The following ATP9A variants were observed in gnomAD, a reference collection of about 807,000 sequenced individuals.
ATP9A encodes ATPase phospholipid transporting 9A.
Under a neutral mutation model 144.1 loss-of-function variants are expected in ATP9A, and 52 were observed. The observed-to-expected ratio is 0.36, with a 90% CI of 0.29 to 0.45. The LOEUF is 0.45. Ranked by LOEUF, ATP9A falls within the 20% of genes least tolerant of loss-of-function variation. The pLI is 1.00. For missense variants in ATP9A, 947 were observed against 1,392.7 expected, an observed-to-expected ratio of 0.68 and a Z score of 5.09; for synonymous variants, 582 against 557.4, an observed-to-expected ratio of 1.04 and a Z score of -0.62.
At chr20:51,759,957 CG>C (rs2077872048) in intron 1 of ATP9A, among the ~76,000 whole-genome samples, 1 of 152,098 alleles carries the variant, frequency 6.6e-6, no homozygotes, top group African/African-American at 2.4e-5. Flanking sequence ...CTCCCTGCCC[CG>C]CCCCCAGACA....
intron 4 of ATP9A, among the ~76,000 whole-genome samples, chr20:51,702,319 C>A (rs1010150107): frequency 6.9e-6 from 1 of 145,842 alleles, no homozygotes; most frequent in Non-Finnish European, 1.5e-5. Context: ...AATTAAATAT[C>A]TATAGATACA....
intron 2 of ATP9A, among the ~76,000 whole-genome samples, chr20:51,728,074 T>A (rs766010694): frequency 6.6e-6 from 1 of 152,158 alleles, no homozygotes; most frequent in Non-Finnish European, 1.5e-5. Flanking sequence ...ACCACATGAC[T>A]AGTTTGGGCC....
At position 51,607,538 on chromosome 20, in the gene ATP9A, C is replaced by G; in HGVS notation, c.2792G>C (p.Ser931Thr). 6.2e-7 allele frequency: 1 copy of G among 1,612,600 alleles called. No homozygotes were observed. The highest frequency in any genetic ancestry group is 8.5e-7 in the Non-Finnish European group (1 of 1,178,834). The change falls in exon 26 of 28, where the codon AGC becomes ACC. Residue 931 changes from serine (S) to threonine (T), a missense_variant. Transcript: ENST00000338821. ...YKTFLIWVLI[S>T]IYQGSTIMYG... ...CCACTCATCCTTACCTTGATAGATG[C>G]TAATCAAAACCCATATTAAGAATGT...
intron 1 of ATP9A, chr20:51,732,606 T>C (rs979986387): frequency 6.8e-5 from 10 of 147,148 alleles, no homozygotes; most frequent in East Asian, 5.8e-4. Context: ...CATGGTGGAG[T>C]GTGGCTCTGC....
At position 51,605,136 on chromosome 20, in the gene ATP9A, T is replaced by A. The variant is rs144716923; in HGVS notation, c.2804-116A>T. 608 of 875,594 alleles carry A rather than the reference T, an allele frequency of 6.9e-4. 1 individual carries two copies. Among genetic ancestry groups the A allele is most frequent in the Middle Eastern group, 5.9e-3 (16 of 2,692 alleles). 54.2% of individuals were successfully genotyped at this position (875,594 alleles called of 1,614,324 possible). ...TTTAGACATGAAAGGCATCACTTGT[T>A]ACATGAGGTTAATGACTGGTGCTTT... On this transcript the variant is annotated intron_variant, in intron 26 of 27. Coordinates refer to ENST00000338821, the MANE Select transcript of ATP9A (RefSeq NM_006045.3).
intron 22 of ATP9A, among the ~76,000 whole-genome samples, chr20:51,616,734 A>C (rs1381770926): frequency 6.6e-6 from 1 of 152,204 alleles, no homozygotes; most frequent in East Asian, 1.9e-4. Flanking sequence ...GGCAAGGAGA[A>C]AAAGACAGAA....
chr20:51,608,756 G>A (rs762505166), intron 24 of ATP9A, 130 bp from the exon 25 acceptor site: 1 of 655,080 alleles, frequency 1.5e-6, no homozygotes, highest in African/African-American at 1.8e-5. Flanking sequence ...TATGCTCCGG[G>A]GCTGGCTGTA....
In ATP9A at chr20:51,601,187, G is replaced by C. The variant is rs937550136; in HGVS notation, c.*24C>G. Reference sequence around the variant, plus strand: ...TCCATCAGGGAAGCGCCAAGACCAGGGCCCCCTCCAGCGAACGCACGGCCT... The same window carrying C: ...TCCATCAGGGAAGCGCCAAGACCAGCGCCCCCTCCAGCGAACGCACGGCCT... On this transcript the variant is annotated 3_prime_UTR_variant, in exon 28 of 28. Transcript: ENST00000338821. 6.3e-7 allele frequency: 1 copy of C among 1,578,984 alleles called. No individual in the cohort carries two copies. Among genetic ancestry groups the C allele is most frequent in the Non-Finnish European group, 8.6e-7 (1 of 1,162,054 alleles).
At chr20:51,725,793 T>G (rs111339585) in intron 3 of ATP9A, 26 bp downstream of exon 3, 4 of 1,462,936 alleles carry the variant, frequency 2.7e-6, no homozygotes, top group Admixed American at 1.7e-5. Context: ...CTAAGGTTAC[T>G]GAACAAACAA....
intron 1 of ATP9A, among the ~76,000 whole-genome samples, chr20:51,741,892 C>T (rs2077786826): frequency 6.6e-6 from 1 of 152,222 alleles, no homozygotes; most frequent in African/African-American, 2.4e-5. Flanking sequence ...AGACACCTTA[C>T]AATGCACAGA....
chr20:51,664,036 G>C (rs1417737833), intron 13 of ATP9A, among the ~76,000 whole-genome samples: 2 of 152,006 alleles, frequency 1.3e-5, no homozygotes, highest in East Asian at 3.9e-4. Flanking sequence ...ATTATGGTTT[G>C]AGACTGTCTT....
intron 1 of ATP9A, among the ~76,000 whole-genome samples, chr20:51,760,869 A>T (rs1172464853): frequency 1.3e-5 from 2 of 152,068 alleles, no homozygotes; most frequent in South Asian, 4.1e-4. Flanking sequence ...CTAAAAATAC[A>T]AAAATTAGCT....
intron 1 of ATP9A, among the ~76,000 whole-genome samples, chr20:51,760,291 A>C (rs1302542760): frequency 6.6e-6 from 1 of 152,190 alleles, no homozygotes; most frequent in Non-Finnish European, 1.5e-5. Context: ...AAAAACAGAA[A>C]CACACCTAAA....
intron 1 of ATP9A, among the ~76,000 whole-genome samples, chr20:51,737,691 T>C (rs1162466600): frequency 6.6e-6 from 1 of 152,346 alleles, no homozygotes; most frequent in East Asian, 1.9e-4. Flanking sequence ...TAATTTCTTA[T>C]GAACATGTAT....
Position 51,600,766 on chromosome 20 carries a change from A to T in ATP9A, c.*445T>A, listed in dbSNP as rs190994320. 2.0e-5 allele frequency: 3 copies of T among 152,740 alleles called. No individual in the cohort carries two copies. In the East Asian group the frequency reaches 5.8e-4, roughly 29 times the overall value. The allele number at this position is 152,740 out of a possible 1,614,324, so 9.5% of individuals were successfully genotyped here. A position where few individuals can be genotyped will look rare whatever the true frequency, so the allele number is the denominator to read the frequency against. On this transcript the variant is annotated 3_prime_UTR_variant, in exon 28 of 28. Coordinates refer to ENST00000338821, the MANE Select transcript of ATP9A (RefSeq NM_006045.3). ...TTTCTGACACCTCTTTGTAAGAGCA[A>T]GAAAGACATAAAGAGTACATACACA...
chr20:51,701,543 T>C (rs1490568748), intron 4 of ATP9A, among the ~76,000 whole-genome samples: 1 of 152,158 alleles, frequency 6.6e-6, no homozygotes, highest in East Asian at 1.9e-4. Context: ...AAAAACCCCT[T>C]TAATCCTCTG....
intron 1 of ATP9A, among the ~76,000 whole-genome samples, chr20:51,765,165 T>C (rs1181937953): frequency 6.6e-6 from 1 of 152,124 alleles, no homozygotes; most frequent in African/African-American, 2.4e-5. Flanking sequence ...ACTTTAGCCC[T>C]CACGCTGCCA....
chr20:51,702,561 T>C (rs564726567), intron 4 of ATP9A, among the ~76,000 whole-genome samples: 1 of 152,146 alleles, frequency 6.6e-6, no homozygotes, highest in African/African-American at 2.4e-5. Flanking sequence ...AGTATTTGAC[T>C]AAAATGTCCC....
intron 14 of ATP9A, among the ~76,000 whole-genome samples, chr20:51,642,699 C>T (rs1474563661): frequency 1.7e-5 from 2 of 116,862 alleles, no homozygotes; most frequent in Non-Finnish European, 3.2e-5. Context: ...GCACTCTAGC[C>T]TGGGTGACTG....
Sources: gnomAD v4.1 joint callset for allele counts (sites outside exome capture counted in the v4.1 genomes callset) on GRCh38, gnomAD v4.1.1 for gene constraint, MANE v1.5 for transcripts, NCBI Gene and HGNC (gene_info 2026-07-23, HGNC 2026-07-21) for gene names.